CADM2: variants seen among roughly 807,000 people sequenced by gnomAD.
The protein encoded by CADM2 is cell adhesion molecule 2.
A neutral mutation model predicts 49.8 loss-of-function variants in CADM2; 12 were observed. The observed-to-expected ratio is 0.24, with a 90% CI of 0.15 to 0.39. CADM2 has a LOEUF of 0.39. Ranked by LOEUF, CADM2 falls within the 10% of genes least tolerant of loss-of-function variation. CADM2 has a pLI of 1.00. For synonymous variants in CADM2, 214 were observed against 175.4 expected, an observed-to-expected ratio of 1.22 and a Z score of -1.74; for missense variants, 378 against 492.3, an observed-to-expected ratio of 0.77 and a Z score of 2.20.
chr3:85,387,980 C>G (rs1022617005), intron 1 of CADM2, among the ~76,000 whole-genome samples: 1 of 152,140 alleles, frequency 6.6e-6, no homozygotes, highest in Non-Finnish European at 1.5e-5. Flanking sequence ...AGAAGCTGCT[C>G]TCAGAATAGA....
At chr3:85,991,205 C>T (rs942905962) in intron 8 of CADM2, among the ~76,000 whole-genome samples, 1 of 152,062 alleles carries the variant, frequency 6.6e-6, no homozygotes, top group Non-Finnish European at 1.5e-5. Flanking sequence ...GCACTATGGC[C>T]ATCCTTTATT....
Position 85,726,477 on chromosome 3 carries a change from C to CT in CADM2, c.62-44dup, listed in dbSNP as rs893400657. Reference sequence around the variant, plus strand: ...TCTTACTAGAGAATCTGTCTAATATCTAATATGTTTGTTCTCTTCTTGTGC... The same window carrying CT: ...TCTTACTAGAGAATCTGTCTAATATCTTAATATGTTTGTTCTCTTCTTGTGC... On this transcript the variant is annotated intron_variant, in intron 1 of 9. Transcript: ENST00000383699. The CT allele has an allele frequency of 7.5e-6, 12 of 1,606,384 alleles. No individual in the cohort carries two copies. The Admixed American group carries it at 1.3e-4, about 18-fold the overall frequency.
In CADM2 at chr3:85,153,272, G is replaced by T. The variant is rs546091865; in HGVS notation, c.61+193604G>T. Among the ~76,000 whole-genome samples, 65 of 152,318 alleles carry T rather than the reference G, an allele frequency of 4.3e-4. 1 individual carries two copies. Among genetic ancestry groups the T allele is most frequent in the African/African-American group, 1.5e-3 (61 of 41,602 alleles). ...GCAGGGCGAGGCATTGCCTCACTCG[G>T]GAAGTGCAAGGGGTCAGGGAGTTCC... On this transcript the variant is annotated intron_variant, in intron 1 of 9. Coordinates refer to ENST00000383699, the MANE Select transcript of CADM2 (RefSeq NM_001167675.2).
intron 3 of CADM2, among the ~76,000 whole-genome samples, chr3:85,858,523 A>C (rs913533379): frequency 2.6e-5 from 4 of 152,222 alleles, no homozygotes; most frequent in Non-Finnish European, 5.9e-5. Context: ...GAAAATGAGA[A>C]AAACTGAATT....
At chr3:85,800,891 C>T (rs7640660) in intron 2 of CADM2, 36,843 of 152,138 alleles carry the variant, frequency 0.24, 5,242 homozygotes, top group African/African-American at 0.38. Context: ...AAGATTCTTA[C>T]GCCAATAGTT....
intron 6 of CADM2, among the ~76,000 whole-genome samples, chr3:85,923,657 A>G (rs1719451255): frequency 6.6e-6 from 1 of 152,168 alleles, no homozygotes; most frequent in Non-Finnish European, 1.5e-5. Flanking sequence ...GGGCAATCCT[A>G]TAAGCACATA....
chr3:84,981,076 A>G (rs9883443), intron 1 of CADM2, among the ~76,000 whole-genome samples: 35,868 of 150,706 alleles, frequency 0.24, 5,348 homozygotes, highest in Non-Finnish European at 0.34. Context: ...CGCTGCATCC[A>G]CTAACTCATC....
chr3:84,965,101 G>GA (rs1245277203), intron 1 of CADM2, among the ~76,000 whole-genome samples: 1 of 152,070 alleles, frequency 6.6e-6, no homozygotes, highest in Non-Finnish European at 1.5e-5. Flanking sequence ...CATAAAAAAT[G>GA]AAGGACACAA....
chr3:85,580,122 T>C (rs1576855360), intron 1 of CADM2, among the ~76,000 whole-genome samples: 1 of 152,260 alleles, frequency 6.6e-6, no homozygotes, highest in Middle Eastern at 3.4e-3. Context: ...CAAATTAAGA[T>C]CATTCAAATC....
At chr3:85,833,034 A>G (rs2108235734) in intron 3 of CADM2, among the ~76,000 whole-genome samples, 1 of 152,042 alleles carries the variant, frequency 6.6e-6, no homozygotes, top group South Asian at 2.1e-4. Context: ...AATTTTATCA[A>G]AAGCATTTTC....
intron 5 of CADM2, among the ~76,000 whole-genome samples, chr3:85,912,101 A>G (rs1717682643): frequency 6.6e-6 from 1 of 151,780 alleles, no homozygotes; most frequent in South Asian, 2.1e-4. Context: ...CCGTCACCAC[A>G]TCCGGCTAAT....
chr3:85,179,996 T>C (rs970553842), intron 1 of CADM2, among the ~76,000 whole-genome samples: 6 of 152,078 alleles, frequency 3.9e-5, no homozygotes, highest in Non-Finnish European at 7.4e-5. Flanking sequence ...GATACAGCAG[T>C]CTATAAAATA....
intron 1 of CADM2, among the ~76,000 whole-genome samples, chr3:85,038,647 T>C (rs1228220882): frequency 6.6e-6 from 1 of 152,202 alleles, no homozygotes; most frequent in Non-Finnish European, 1.5e-5. Flanking sequence ...GTCTTTGACA[T>C]TTACTAGCAT....
At chr3:85,932,144 T>C (rs573334252) in intron 6 of CADM2, among the ~76,000 whole-genome samples, 23 of 151,762 alleles carry the variant, frequency 1.5e-4, no homozygotes, top group Admixed American at 1.3e-3. Flanking sequence ...GTGAATTAAT[T>C]TGAAAATTAT....
intron 1 of CADM2, among the ~76,000 whole-genome samples, chr3:85,633,005 A>T (rs2064357835): frequency 6.6e-6 from 1 of 152,048 alleles, no homozygotes; most frequent in Admixed American, 6.6e-5. Flanking sequence ...ATGCTTAGAA[A>T]ACCTAGTATA....
At chr3:85,418,803 T>G (rs1418334993) in intron 1 of CADM2, among the ~76,000 whole-genome samples, 3 of 152,168 alleles carry the variant, frequency 2.0e-5, no homozygotes, top group Admixed American at 6.5e-5. Flanking sequence ...TATTATGAAG[T>G]GGTCACACAA....
At chr3:85,194,270 G>C (rs902505127) in intron 1 of CADM2, among the ~76,000 whole-genome samples, 1 of 152,206 alleles carries the variant, frequency 6.6e-6, no homozygotes, top group African/African-American at 2.4e-5. Context: ...GCAAGACAAG[G>C]CTCAAGAGAA....
chr3:85,866,629 C>T (rs2075731102), intron 3 of CADM2, among the ~76,000 whole-genome samples: 2 of 152,058 alleles, frequency 1.3e-5, no homozygotes, highest in Non-Finnish European at 2.9e-5. Context: ...GGAACTTCCT[C>T]TATACATATT....
chr3:85,334,272 G>A (rs1009140479), intron 1 of CADM2, among the ~76,000 whole-genome samples: 1 of 151,436 alleles, frequency 6.6e-6, no homozygotes, highest in South Asian at 2.1e-4. Context: ...TCATTAAATA[G>A]CAATAGGTAT....
Sources: gnomAD v4.1 joint callset for allele counts (sites outside exome capture counted in the v4.1 genomes callset) on GRCh38, gnomAD v4.1.1 for gene constraint, MANE v1.5 for transcripts, NCBI Gene and HGNC (gene_info 2026-07-23, HGNC 2026-07-21) for gene names.